The following ZBTB44 variants were observed in gnomAD, a reference collection of about 807,000 sequenced individuals.
The protein encoded by ZBTB44 is zinc finger and BTB domain-containing protein 44.
In ZBTB44, 15 loss-of-function variants were observed where a neutral mutation model predicts 54.0. The observed-to-expected ratio is 0.28, with a 90% CI of 0.19 to 0.43. ZBTB44 has a LOEUF of 0.43. ZBTB44 is among the 20% of genes least tolerant of loss of function. ZBTB44 has a pLI of 1.00. For missense variants in ZBTB44, 487 were observed against 707.1 expected (o/e 0.69, Z 3.53); for synonymous variants, 230 against 250.1 (o/e 0.92, Z 0.76).
At chr11:130,235,860 G>A (rs1954085360) in intron 5 of ZBTB44, among the ~76,000 whole-genome samples, 1 of 151,784 alleles carries the variant, frequency 6.6e-6, no homozygotes, top group South Asian at 2.1e-4. Flanking sequence ...ATATTAGCTG[G>A]GTGTAGTGGT....
In ZBTB44 at chr11:130,314,448, G is replaced by A. The variant is rs1027464332; in HGVS notation, c.-130C>T. 2.0e-5 allele frequency: 3 copies of A among 146,590 alleles called. No individual in the cohort carries two copies. In the East Asian group the frequency reaches 6.3e-4, roughly 31 times the overall value. The allele number at this position is 146,590 out of a possible 1,614,324, so 9.1% of individuals were successfully genotyped here. A position where few individuals can be genotyped will look rare whatever the true frequency, so the allele number is the denominator to read the frequency against. ...TCCCGCCAGGCTGGGGCGGCGAGGC[G>A]GCGGCGGCGGCGGCCCGGGGGGAGG... On this transcript the variant is annotated 5_prime_UTR_variant, in exon 1 of 8. Transcript: ENST00000357899.
chr11:130,280,152 G>T (rs1349844050), intron 1 of ZBTB44, among the ~76,000 whole-genome samples: 2 of 152,236 alleles, frequency 1.3e-5, no homozygotes, highest in African/African-American at 4.8e-5. Flanking sequence ...CAGGGGATGG[G>T]TGTAAGAAGG....
chr11:130,248,462 G>A (rs1937715104), intron 2 of ZBTB44, among the ~76,000 whole-genome samples: 1 of 152,028 alleles, frequency 6.6e-6, no homozygotes, highest in South Asian at 2.1e-4. Flanking sequence ...CCAACATGGT[G>A]AAATCCTGTC....
At chr11:130,312,007 C>A (rs1405564323) in intron 1 of ZBTB44, among the ~76,000 whole-genome samples, 1 of 152,174 alleles carries the variant, frequency 6.6e-6, no homozygotes, top group African/African-American at 2.4e-5. Context: ...GAAGTGGTAT[C>A]ATTCACCCCT....
intron 1 of ZBTB44, among the ~76,000 whole-genome samples, chr11:130,281,505 G>A (rs552104825): frequency 4.8e-4 from 71 of 147,982 alleles, no homozygotes; most frequent in African/African-American, 1.7e-3. Flanking sequence ...GGGCAACAGA[G>A]ACCCTGTCTC....
rs530923567 is a variant in ZBTB44, at chr11:130,268,077, A to G, written c.-56-6148T>C. Among the ~76,000 whole-genome samples, 235 of 151,506 alleles carry G rather than the reference A, an allele frequency of 1.6e-3. 5 individuals carry two copies. In the South Asian group the frequency reaches 0.034, roughly 22 times the overall value. On this transcript the variant is annotated intron_variant, in intron 1 of 7. Coordinates refer to ENST00000357899, the MANE Select transcript of ZBTB44 (RefSeq NM_001301098.2). ...GAGTGAGACTCTGTCTACAAAAAAA[A>G]AAAAAAAGAGAAATCCTCACGAAAG...
chr11:130,244,667 G>GAAAAAA, intron 2 of ZBTB44, among the ~76,000 whole-genome samples: 1 of 104,802 alleles, frequency 9.5e-6, no homozygotes, highest in African/African-American at 3.3e-5. Flanking sequence ...ACTCTGTCTG[G>GAAAAAA]AAAAAAAAAA....
intron 5 of ZBTB44, among the ~76,000 whole-genome samples, chr11:130,234,813 A>G (rs1332327057): frequency 6.6e-6 from 1 of 152,226 alleles, no homozygotes; most frequent in Non-Finnish European, 1.5e-5. Context: ...CATTTGGTAT[A>G]TGAAAATACT....
intron 1 of ZBTB44, among the ~76,000 whole-genome samples, chr11:130,263,332 G>T (rs889928981): frequency 6.6e-6 from 1 of 152,172 alleles, no homozygotes; most frequent in Non-Finnish European, 1.5e-5. Context: ...TAACATATTT[G>T]CTGATTTAGG....
intron 4 of ZBTB44, among the ~76,000 whole-genome samples, chr11:130,237,522 CGAG>C (rs1417985659): frequency 1.3e-5 from 2 of 151,916 alleles, no homozygotes; most frequent in African/African-American, 4.8e-5. Flanking sequence ...CACAGAGAAA[CGAG>C]AAGAAAGAAC....
intron 1 of ZBTB44, among the ~76,000 whole-genome samples, chr11:130,291,122 C>T (rs1465560414): frequency 6.6e-6 from 1 of 151,956 alleles, no homozygotes; most frequent in Non-Finnish European, 1.5e-5. Context: ...AGCTAAATGT[C>T]AGGAAAGCCT....
chr11:130,269,940 T>A (rs940219219), intron 1 of ZBTB44, among the ~76,000 whole-genome samples: 7 of 152,182 alleles, frequency 4.6e-5, no homozygotes, highest in African/African-American at 1.4e-4. Context: ...AAAAATTAAA[T>A]GTAGATCAAA....
intron 2 of ZBTB44, among the ~76,000 whole-genome samples, chr11:130,245,062 G>T (rs1591942840): frequency 6.6e-6 from 1 of 152,156 alleles, no homozygotes; most frequent in Non-Finnish European, 1.5e-5. Context: ...ACTATACAGT[G>T]TTCTAATACT....
intron 1 of ZBTB44, among the ~76,000 whole-genome samples, chr11:130,277,076 G>C (rs1310765450): frequency 6.6e-6 from 1 of 152,074 alleles, no homozygotes; most frequent in Non-Finnish European, 1.5e-5. Context: ...GGATAATGCT[G>C]TTTATAAACT....
chr11:130,313,966 A>ATATTTTTTT (rs1160244728), intron 1 of ZBTB44, among the ~76,000 whole-genome samples: 99 of 116,230 alleles, frequency 8.5e-4, no homozygotes, highest in Non-Finnish European at 1.5e-3. Context: ...ATATATATAT[A>ATATTTTTTT]TTTTTTTAAA....
intron 1 of ZBTB44, among the ~76,000 whole-genome samples, chr11:130,265,891 C>G (rs1939213530): frequency 6.6e-6 from 1 of 152,186 alleles, no homozygotes; most frequent in African/African-American, 2.4e-5. Flanking sequence ...CATAAAAGTG[C>G]AAGGTGAACC....
chr11:130,296,389 T>C (rs756571042), intron 1 of ZBTB44: 63 of 1,519,880 alleles, frequency 4.1e-5, no homozygotes, highest in African/African-American at 7.0e-5. Context: ...CTGAACTACA[T>C]TGATTTGCCC....
At chr11:130,238,735 G>T in intron 3 of ZBTB44, 128 bp from the exon 4 acceptor site, 1 of 956,860 alleles carries the variant, frequency 1.0e-6, no homozygotes, top group Non-Finnish European at 1.4e-6. Flanking sequence ...TTAACTGTTA[G>T]ACTTCAAGTT....
At chr11:130,283,957 A>G (rs1377580317) in intron 1 of ZBTB44, among the ~76,000 whole-genome samples, 1 of 132,130 alleles carries the variant, frequency 7.6e-6, no homozygotes, top group Non-Finnish European at 1.6e-5. Flanking sequence ...GTGACAGAGT[A>G]AGACTCCATC....
Sources: gnomAD v4.1 joint callset for allele counts (sites outside exome capture counted in the v4.1 genomes callset) on GRCh38, gnomAD v4.1.1 for gene constraint, MANE v1.5 for transcripts, NCBI Gene and HGNC (gene_info 2026-07-23, HGNC 2026-07-21) for gene names.